CTNND2: variants seen among roughly 807,000 people sequenced by gnomAD.
CTNND2 encodes the protein catenin delta 2.
A neutral mutation model predicts 144.4 loss-of-function variants in CTNND2; 22 were observed. The observed-to-expected ratio is 0.15, with a 90% CI of 0.11 to 0.22. The LOEUF is 0.22. Ranked by LOEUF, CTNND2 falls within the 10% of genes least tolerant of loss-of-function variation. The probability of loss-of-function intolerance (pLI) is 1.00; values close to 1 mark genes in which losing one functional copy is unlikely to be tolerated. For missense variants in CTNND2, 1,353 were observed against 1,618.8 expected (o/e 0.84, Z 2.82); for synonymous variants, 751 against 695.6 (o/e 1.08, Z -1.25).
At chr5:11,054,044 A>G (rs1399037469) in intron 16 of CTNND2, among the ~76,000 whole-genome samples, 1 of 152,250 alleles carries the variant, frequency 6.6e-6, no homozygotes, top group African/African-American at 2.4e-5. Flanking sequence ...TAGGCTGGAG[A>G]TAACTTTAAA....
At chr5:11,424,891 C>T (rs1037981250) in intron 3 of CTNND2, among the ~76,000 whole-genome samples, 1 of 152,134 alleles carries the variant, frequency 6.6e-6, no homozygotes, top group African/African-American at 2.4e-5. Context: ...TTCTGATTAT[C>T]CCTTTGTTCT....
intron 2 of CTNND2, among the ~76,000 whole-genome samples, chr5:11,632,824 A>G (rs1781483022): frequency 6.6e-6 from 1 of 152,186 alleles, no homozygotes; most frequent in South Asian, 2.1e-4. Context: ...AATCAAAGGA[A>G]AATTCTGGAG....
chr5:11,006,203 G>A (rs554843125), intron 18 of CTNND2, among the ~76,000 whole-genome samples: 2 of 152,200 alleles, frequency 1.3e-5, no homozygotes, highest in African/African-American at 2.4e-5. Context: ...AGAAAAATAA[G>A]AATAGTGACA....
At position 11,840,744 on chromosome 5, in the gene CTNND2, G is replaced by C. The variant is rs572460880; in HGVS notation, c.37+63073C>G. Among the ~76,000 whole-genome samples, 141 of 152,250 alleles carry C rather than the reference G, an allele frequency of 9.3e-4. 6 individuals carry two copies. In the South Asian group the frequency reaches 0.028, roughly 30 times the overall value. On this transcript the variant is annotated intron_variant, in intron 1 of 21. Coordinates refer to ENST00000304623, the MANE Select transcript of CTNND2 (RefSeq NM_001332.4). ...TTATTTTCAATGTAATGTAGGCACA[G>C]TGGGAAACTGTAGGTTTAACAGAAG...
At chr5:11,313,284 T>A (rs1342055975) in intron 9 of CTNND2, among the ~76,000 whole-genome samples, 3 of 152,150 alleles carry the variant, frequency 2.0e-5, no homozygotes, top group African/African-American at 2.4e-5. Context: ...AGGGCTAGGA[T>A]CTTACAGGCC....
intron 3 of CTNND2, among the ~76,000 whole-genome samples, chr5:11,478,996 T>C (rs1767999648): frequency 6.6e-6 from 1 of 152,186 alleles, no homozygotes; most frequent in African/African-American, 2.4e-5. Context: ...GAAAACATAA[T>C]TTAACTTAAA....
chr5:11,654,662 T>C (rs1014078870), intron 2 of CTNND2, among the ~76,000 whole-genome samples: 3 of 151,658 alleles, frequency 2.0e-5, no homozygotes, highest in Non-Finnish European at 4.4e-5. Context: ...CTTTAGGGTT[T>C]TTTTTTTTAC....
chr5:11,636,820 A>G (rs1204040016), intron 2 of CTNND2, among the ~76,000 whole-genome samples: 1 of 152,198 alleles, frequency 6.6e-6, no homozygotes, highest in Non-Finnish European at 1.5e-5. Context: ...ATGGAGCATG[A>G]AGAAGGGGCA....
chr5:11,309,247 C>T (rs1273960690), intron 9 of CTNND2, among the ~76,000 whole-genome samples: 1 of 152,202 alleles, frequency 6.6e-6, no homozygotes, highest in South Asian at 2.1e-4. Flanking sequence ...TTGCACTGTG[C>T]ACCTGGAAAA....
At chr5:11,807,286 T>A (rs1792056674) in intron 1 of CTNND2, among the ~76,000 whole-genome samples, 1 of 152,176 alleles carries the variant, frequency 6.6e-6, no homozygotes, top group Non-Finnish European at 1.5e-5. Context: ...ATATAAAGAA[T>A]GCTTGTTGTG....
intron 3 of CTNND2, among the ~76,000 whole-genome samples, chr5:11,548,868 C>A (rs1251475457): frequency 6.6e-6 from 1 of 152,108 alleles, no homozygotes; most frequent in Non-Finnish European, 1.5e-5. Flanking sequence ...TGTTCTGACT[C>A]CAAGATCTGC....
intron 1 of CTNND2, among the ~76,000 whole-genome samples, chr5:11,795,607 C>CTGCT (rs1214398118): frequency 6.6e-6 from 1 of 152,194 alleles, no homozygotes; most frequent in Admixed American, 6.5e-5. Flanking sequence ...AAGAACTGAA[C>CTGCT]TGCTCTGAGA....
intron 3 of CTNND2, among the ~76,000 whole-genome samples, chr5:11,485,322 TAAC>T (rs1030085941): frequency 6.6e-6 from 1 of 151,150 alleles, no homozygotes; most frequent in African/African-American, 2.5e-5. Flanking sequence ...TGCCACTTCT[TAAC>T]AGAGAGAGAG....
chr5:11,643,237 ATTT>A (rs1782161893), intron 2 of CTNND2, among the ~76,000 whole-genome samples: 1 of 151,516 alleles, frequency 6.6e-6, no homozygotes, highest in Non-Finnish European at 1.5e-5. Flanking sequence ...TGTTTTTTTA[ATTT>A]TATTATTATT....
At chr5:11,396,918 A>T in intron 6 of CTNND2, 113 bp downstream of exon 6, 1 of 1,009,438 alleles carries the variant, frequency 9.9e-7, no homozygotes, top group Non-Finnish European at 1.5e-6. Flanking sequence ...AAGTTGAGGG[A>T]CACACCTACA....
chr5:11,768,018 T>G (rs1789696360), intron 1 of CTNND2, among the ~76,000 whole-genome samples: 1 of 152,218 alleles, frequency 6.6e-6, no homozygotes, highest in Admixed American at 6.5e-5. Flanking sequence ...AACTCCTTCA[T>G]TTCCACTAAT....
chr5:11,558,023 G>A (rs905981558), intron 3 of CTNND2, among the ~76,000 whole-genome samples: 11 of 152,110 alleles, frequency 7.2e-5, no homozygotes, highest in African/African-American at 2.2e-4. Flanking sequence ...AAAGACAGAG[G>A]AATTATTTCA....
chr5:11,382,553 G>A (rs901499650), intron 7 of CTNND2, among the ~76,000 whole-genome samples: 4 of 151,500 alleles, frequency 2.6e-5, no homozygotes, highest in Admixed American at 6.6e-5. Flanking sequence ...AGCCGAGATC[G>A]CACCACTGCA....
At chr5:11,143,038 T>G (rs1274331734) in intron 12 of CTNND2, among the ~76,000 whole-genome samples, 1 of 152,132 alleles carries the variant, frequency 6.6e-6, no homozygotes, top group East Asian at 1.9e-4. Context: ...TATTTCCTCC[T>G]TCCCCCTTGA....
Sources: allele counts gnomAD v4.1 joint callset (sites outside exome capture counted in the v4.1 genomes callset), GRCh38; gene constraint gnomAD v4.1.1; transcripts MANE v1.5; gene names NCBI Gene and HGNC (gene_info 2026-07-23, HGNC 2026-07-21).